The following SLC35F3 variants were observed in gnomAD, a reference collection of about 807,000 sequenced individuals.
SLC35F3 encodes putative thiamine transporter SLC35F3.
Under a neutral mutation model 49.9 loss-of-function variants are expected in SLC35F3, and 25 were observed. That is an observed-to-expected ratio of 0.50 (90% CI 0.37 to 0.70). SLC35F3 has a LOEUF of 0.70. SLC35F3 is among the 30% of genes least tolerant of loss of function. The pLI is 0.00. For missense variants in SLC35F3, 525 were observed against 639.8 expected (o/e 0.82, Z 1.94); for synonymous variants, 275 against 265.4 (o/e 1.04, Z -0.35).
intron 1 of SLC35F3, 99 bp downstream of exon 1, chr1:233,905,229 C>A: frequency 7.7e-7 from 1 of 1,291,026 alleles, no homozygotes; most frequent in Non-Finnish European, 1.1e-6. Context: ...GTCTGAGGCT[C>A]GGGGAAGGGC....
intron 3 of SLC35F3, among the ~76,000 whole-genome samples, chr1:234,299,900 A>T (rs1668667317): frequency 6.6e-6 from 1 of 151,936 alleles, no homozygotes; most frequent in Non-Finnish European, 1.5e-5. Flanking sequence ...AGAACTTTTT[A>T]AAAGAGAGAA....
intron 2 of SLC35F3, among the ~76,000 whole-genome samples, chr1:234,177,452 TG>T (rs1666493283): frequency 6.6e-6 from 1 of 152,134 alleles, no homozygotes; most frequent in African/African-American, 2.4e-5. Flanking sequence ...AAACTCTCTT[TG>T]TGAGTGAGGA....
chr1:233,985,188 C>G (rs917343922), intron 2 of SLC35F3, among the ~76,000 whole-genome samples: 1 of 152,164 alleles, frequency 6.6e-6, no homozygotes, highest in Non-Finnish European at 1.5e-5. Flanking sequence ...ATCAGTGAGA[C>G]CCCTCAGTGG....
At chr1:234,268,216 G>A (rs1385466576) in intron 3 of SLC35F3, among the ~76,000 whole-genome samples, 2 of 152,226 alleles carry the variant, frequency 1.3e-5, no homozygotes, top group Non-Finnish European at 2.9e-5. Context: ...ACCTCGGGAG[G>A]CCGAGGCTGG....
At chr1:234,244,891 T>C (rs1307951378) in intron 3 of SLC35F3, among the ~76,000 whole-genome samples, 8 of 152,248 alleles carry the variant, frequency 5.3e-5, no homozygotes. Context: ...GTTTTTTACA[T>C]GCATAGACTA....
At chr1:234,133,216 A>G (rs1665759978) in intron 2 of SLC35F3, among the ~76,000 whole-genome samples, 1 of 152,244 alleles carries the variant, frequency 6.6e-6, no homozygotes, top group African/African-American at 2.4e-5. Context: ...CAAAGTAACT[A>G]GAATAATTTG....
chr1:234,154,334 G>A (rs1572072524), intron 2 of SLC35F3, among the ~76,000 whole-genome samples: 1 of 152,142 alleles, frequency 6.6e-6, no homozygotes, highest in African/African-American at 2.4e-5. Flanking sequence ...ACACCCTAAT[G>A]TCTTGGAATT....
At chr1:233,936,904 C>T (rs1662343477) in intron 2 of SLC35F3, among the ~76,000 whole-genome samples, 1 of 152,140 alleles carries the variant, frequency 6.6e-6, no homozygotes, top group South Asian at 2.1e-4. Context: ...GTTGCCTAGG[C>T]TGGTCTCGAA....
At chr1:233,964,214 G>T (rs1284804799) in intron 2 of SLC35F3, among the ~76,000 whole-genome samples, 1 of 152,190 alleles carries the variant, frequency 6.6e-6, no homozygotes, top group Non-Finnish European at 1.5e-5. Flanking sequence ...GTGGAAGAGT[G>T]AAAATCCTGA....
At chr1:233,943,259 G>A (rs911406078) in intron 2 of SLC35F3, among the ~76,000 whole-genome samples, 1 of 152,206 alleles carries the variant, frequency 6.6e-6, no homozygotes, top group Non-Finnish European at 1.5e-5. Flanking sequence ...GTCTATAGGT[G>A]TCCATCAATT....
At chr1:234,278,573 T>C (rs1381330966) in intron 3 of SLC35F3, among the ~76,000 whole-genome samples, 2 of 152,206 alleles carry the variant, frequency 1.3e-5, no homozygotes, top group Admixed American at 6.5e-5. Context: ...GATAACTTTT[T>C]GTGGGACTTG....
intron 3 of SLC35F3, among the ~76,000 whole-genome samples, chr1:234,303,111 A>C (rs1336565949): frequency 1.3e-5 from 2 of 151,534 alleles, no homozygotes; most frequent in East Asian, 1.9e-4. Flanking sequence ...TTTCTTCCCC[A>C]CCCCCAACAC....
At chr1:234,205,526 C>T (rs528427903) in intron 2 of SLC35F3, among the ~76,000 whole-genome samples, 1 of 152,330 alleles carries the variant, frequency 6.6e-6, no homozygotes, top group East Asian at 1.9e-4. Flanking sequence ...GAACTCCCTC[C>T]CACTTGGAGA....
At chr1:233,921,733 A>G (rs537447091) in intron 2 of SLC35F3, among the ~76,000 whole-genome samples, 1 of 152,104 alleles carries the variant, frequency 6.6e-6, no homozygotes, top group East Asian at 1.9e-4. Context: ...TACATGTGCC[A>G]TGTTGGTGTG....
chr1:233,943,754 A>G (rs1013243417), intron 2 of SLC35F3, among the ~76,000 whole-genome samples: 3 of 152,250 alleles, frequency 2.0e-5, no homozygotes, highest in Admixed American at 6.5e-5. Flanking sequence ...CTTGATGAAG[A>G]TGTTTGAAAT....
chr1:234,280,855 C>T (rs1668313227), intron 3 of SLC35F3, among the ~76,000 whole-genome samples: 1 of 152,300 alleles, frequency 6.6e-6, no homozygotes, highest in Admixed American at 6.5e-5. Flanking sequence ...AATTTGCACC[C>T]AAGTAGGACT....
intron 4 of SLC35F3, among the ~76,000 whole-genome samples, chr1:234,312,560 A>G (rs1312292520): frequency 6.6e-6 from 1 of 152,166 alleles, no homozygotes; most frequent in Non-Finnish European, 1.5e-5. Context: ...GGGGGAAGAC[A>G]CAGTGGACAG....
intron 2 of SLC35F3, among the ~76,000 whole-genome samples, chr1:234,072,657 C>T (rs769596635): frequency 3.3e-5 from 5 of 152,042 alleles, no homozygotes; most frequent in Non-Finnish European, 5.9e-5. Context: ...TCGGGAAGAA[C>T]GGTGTTCCAG....
chr1:234,301,860 TGAAAA>T (rs1668697809), intron 3 of SLC35F3, among the ~76,000 whole-genome samples: 1 of 152,066 alleles, frequency 6.6e-6, no homozygotes. Flanking sequence ...TATGCAGCCA[TGAAAA>T]GAAATAAGAA....
Sources: allele counts gnomAD v4.1 joint callset (sites outside exome capture counted in the v4.1 genomes callset), GRCh38; gene constraint gnomAD v4.1.1; transcripts MANE v1.5; gene names NCBI Gene and HGNC (gene_info 2026-07-23, HGNC 2026-07-21).